Variants in SHB observed in about 807,000 individuals in gnomAD.
SHB encodes the protein SH2 domain-containing adapter protein B.
A neutral mutation model predicts 52.3 loss-of-function variants in SHB; 20 were observed. The observed-to-expected ratio is 0.38, with a 90% CI of 0.27 to 0.56. The LOEUF (loss-of-function observed/expected upper bound fraction) is 0.56. SHB is among the 20% of genes least tolerant of loss of function. The probability of loss-of-function intolerance (pLI) is 0.71; values close to 1 mark genes in which losing one functional copy is unlikely to be tolerated. For missense variants in SHB, 825 were observed against 723.3 expected (o/e 1.14, Z -1.61); for synonymous variants, 397 against 316.5 (o/e 1.25, Z -2.70).
intron 4 of SHB, 39 bp downstream of exon 4, chr9:37,955,844 A>C: frequency 1.3e-6 from 2 of 1,589,536 alleles, no homozygotes; most frequent in Non-Finnish European, 8.6e-7. Context: ...AACTAGGTGA[A>C]CTGGGAGGTG....
chr9:38,027,271 T>C (rs1239486984), intron 1 of SHB, among the ~76,000 whole-genome samples: 2 of 152,222 alleles, frequency 1.3e-5, no homozygotes, highest in Non-Finnish European at 2.9e-5. Context: ...TCACCAGCTA[T>C]GGAGCTCTAC....
intron 5 of SHB, among the ~76,000 whole-genome samples, chr9:37,937,825 C>G (rs1478195441): frequency 6.6e-6 from 1 of 152,122 alleles, no homozygotes; most frequent in Non-Finnish European, 1.5e-5. Flanking sequence ...GGGGTGGGAG[C>G]TGGGACTTCT....
intron 2 of SHB, among the ~76,000 whole-genome samples, chr9:37,995,944 A>T (rs1054736302): frequency 1.3e-5 from 2 of 152,198 alleles, no homozygotes; most frequent in Non-Finnish European, 2.9e-5. Context: ...CAACAATTCT[A>T]TACAATAGGT....
chr9:37,934,276 A>G lies in SHB; in HGVS notation c.1347-14272T>C, dbSNP rs1832344496. 2.0e-5 allele frequency among the ~76,000 whole-genome samples: 3 copies of G among 152,110 alleles called. No individual in the cohort carries two copies. In the South Asian group the frequency reaches 6.2e-4, roughly 31 times the overall value. ...GTAACACTCATCTCTTGAGCACCCTAAAAGGTGCATGGGGCCGAGAGCTTT... is the reference window on the plus strand; with the variant it reads ...GTAACACTCATCTCTTGAGCACCCTGAAAGGTGCATGGGGCCGAGAGCTTT... On this transcript the variant is annotated intron_variant, in intron 5 of 5. Transcript: ENST00000377707.
At chr9:37,972,070 G>C (rs941746230) in intron 3 of SHB, among the ~76,000 whole-genome samples, 2 of 152,194 alleles carry the variant, frequency 1.3e-5, no homozygotes, top group African/African-American at 4.8e-5. Flanking sequence ...CAAGATGCCA[G>C]ACTAGACTAG....
At chr9:38,037,690 A>G (rs959180570) in intron 1 of SHB, among the ~76,000 whole-genome samples, 2 of 152,022 alleles carry the variant, frequency 1.3e-5, no homozygotes, top group Admixed American at 6.6e-5. Flanking sequence ...CATTCTGAGA[A>G]CCCCACCTCC....
In SHB at chr9:37,982,731, G is replaced by A. The variant is rs181744245; in HGVS notation, c.839-7894C>T. Reference sequence around the variant, plus strand: ...GAAGAATCACTTGAACCTGGTAGGCGGAGGTTGTGGTGAGCCAAGATCACG... The same window carrying A: ...GAAGAATCACTTGAACCTGGTAGGCAGAGGTTGTGGTGAGCCAAGATCACG... On this transcript the variant is annotated intron_variant, in intron 2 of 5. Coordinates refer to ENST00000377707, the MANE Select transcript of SHB (RefSeq NM_003028.3). 4.3e-4 allele frequency among the ~76,000 whole-genome samples: 65 copies of A among 152,166 alleles called. No individual in the cohort carries two copies. The East Asian group carries it at 0.011, about 25-fold the overall frequency.
chr9:37,963,938 C>A (rs1832720852), intron 3 of SHB, among the ~76,000 whole-genome samples: 1 of 152,172 alleles, frequency 6.6e-6, no homozygotes, highest in Non-Finnish European at 1.5e-5. Context: ...TTAGAATTCC[C>A]AAACAAGTAT....
chr9:38,055,897 G>A lies in SHB; in HGVS notation c.717+12032C>T, dbSNP rs550391025. Among the ~76,000 whole-genome samples, 3 of 152,086 alleles carry A rather than the reference G, an allele frequency of 2.0e-5. No individual in the cohort carries two copies. In the South Asian group the frequency reaches 6.2e-4, roughly 32 times the overall value. The stretch of plus-strand genomic sequence containing the variant: ...GAGGAGGATGCCGACTCCACCAGAG[G>A]CAAGACAAGGCTGTCTTGGCCACAT... On this transcript the variant is annotated intron_variant, in intron 1 of 5. Transcript: ENST00000377707.
intron 3 of SHB, among the ~76,000 whole-genome samples, chr9:37,959,640 CAT>C (rs1832672838): frequency 6.6e-6 from 1 of 152,174 alleles, no homozygotes; most frequent in Non-Finnish European, 1.5e-5. Flanking sequence ...GAGCACAGAA[CAT>C]GATTGTGGAG....
intron 1 of SHB, among the ~76,000 whole-genome samples, chr9:38,044,128 C>A (rs1366454310): frequency 6.6e-6 from 1 of 152,210 alleles, no homozygotes; most frequent in Non-Finnish European, 1.5e-5. Flanking sequence ...GCAGGCCCTG[C>A]CTCTCTCTAG....
chr9:38,022,617 T>C (rs190780985), intron 1 of SHB, among the ~76,000 whole-genome samples: 52 of 152,176 alleles, frequency 3.4e-4, no homozygotes, highest in African/African-American at 1.1e-3. Context: ...AGTCCTCCTT[T>C]GGGACCCCCC....
At chr9:37,954,572 C>T (rs1832606659) in intron 4 of SHB, among the ~76,000 whole-genome samples, 1 of 152,174 alleles carries the variant, frequency 6.6e-6, no homozygotes, top group Non-Finnish European at 1.5e-5. Flanking sequence ...CCACTCTGGG[C>T]CCTGATGTTC....
chr9:37,929,987 G>A (rs1419992180), intron 5 of SHB, among the ~76,000 whole-genome samples: 6 of 152,186 alleles, frequency 3.9e-5, no homozygotes, highest in South Asian at 2.1e-4. Context: ...TTGTAGTCCC[G>A]GCTACTTGGG....
At chr9:37,967,644 G>A (rs531999678) in intron 3 of SHB, among the ~76,000 whole-genome samples, 7 of 152,166 alleles carry the variant, frequency 4.6e-5, no homozygotes, top group Non-Finnish European at 8.8e-5. Context: ...AAGTGGGGTC[G>A]CCAGATGGCA....
chr9:37,950,363 T>A (rs1333452775), intron 4 of SHB, among the ~76,000 whole-genome samples: 1 of 152,076 alleles, frequency 6.6e-6, no homozygotes, highest in African/African-American at 2.4e-5. Flanking sequence ...ATTCCTGGGC[T>A]CAAGGGATCC....
intron 2 of SHB, among the ~76,000 whole-genome samples, chr9:37,990,372 A>G (rs1587232511): frequency 6.6e-6 from 1 of 151,870 alleles, no homozygotes; most frequent in Non-Finnish European, 1.5e-5. Flanking sequence ...GGCTCACCCC[A>G]CCCCACCTCT....
At chr9:38,058,201 C>A (rs1821844853) in intron 1 of SHB, among the ~76,000 whole-genome samples, 3 of 152,240 alleles carry the variant, frequency 2.0e-5, no homozygotes, top group Admixed American at 2.0e-4. Context: ...CCTCTGGACC[C>A]ATCTCCCATG....
At chr9:37,950,250 G>T (rs868345694) in intron 4 of SHB, among the ~76,000 whole-genome samples, 3 of 151,856 alleles carry the variant, frequency 2.0e-5, no homozygotes, top group East Asian at 1.9e-4. Flanking sequence ...TTTTCCTTGT[G>T]TGTGTGTGTT....
Sources: gnomAD v4.1 joint callset for allele counts (sites outside exome capture counted in the v4.1 genomes callset) on GRCh38, gnomAD v4.1.1 for gene constraint, MANE v1.5 for transcripts, NCBI Gene and HGNC (gene_info 2026-07-23, HGNC 2026-07-21) for gene names.